Variants in ADH7 observed in about 807,000 individuals in gnomAD.
ADH7 encodes the protein all-trans-retinol dehydrogenase [NAD(+)] ADH7.
A neutral mutation model predicts 34.4 loss-of-function variants in ADH7; 41 were observed. The observed-to-expected ratio is 1.19, with a 90% CI of 0.93 to 1.55. ADH7 has a LOEUF of 1.55. ADH7 is among the 40% of genes most tolerant of loss of function. ADH7 has a pLI of 0.00. For missense variants in ADH7, 540 were observed against 461.2 expected, an observed-to-expected ratio of 1.17 and a Z score of -1.56; for synonymous variants, 180 against 160.9, an observed-to-expected ratio of 1.12 and a Z score of -0.90.
chr4:99,424,728 G>T (rs901191210), intron 5 of ADH7, among the ~76,000 whole-genome samples: 2 of 151,960 alleles, frequency 1.3e-5, no homozygotes, highest in Non-Finnish European at 1.5e-5. Flanking sequence ...TTGATTTTGT[G>T]TCCTGAGACT....
chr4:99,432,203 C>G (rs371682220), intron 1 of ADH7, among the ~76,000 whole-genome samples: 8 of 151,972 alleles, frequency 5.3e-5, no homozygotes, highest in South Asian at 4.2e-4. Context: ...CCTGAGCAAA[C>G]GAATGCAGAA....
chr4:99,415,324 T>A, intron 8 of ADH7, 154 bp downstream of exon 8: 1 of 793,348 alleles, frequency 1.3e-6, no homozygotes, highest in Non-Finnish European at 2.0e-6. Context: ...GAAAATACAC[T>A]AATGCAGTGG....
chr4:99,426,454 A>G (rs1369508180), intron 5 of ADH7, among the ~76,000 whole-genome samples: 1 of 152,224 alleles, frequency 6.6e-6, no homozygotes, highest in Non-Finnish European at 1.5e-5. Context: ...AAACTAGAAA[A>G]TCTAGAAGAA....
intron 6 of ADH7, among the ~76,000 whole-genome samples, chr4:99,419,930 G>A (rs752988642): frequency 1.6e-4 from 24 of 152,010 alleles, no homozygotes; most frequent in Non-Finnish European, 2.2e-4. Flanking sequence ...GTCTCTTTAC[G>A]CTATGCCAGG....
rs1036961167 is a variant in ADH7, at chr4:99,413,040, T to C, written c.*108A>G. The C allele has an allele frequency of 1.2e-5, 14 of 1,165,550 alleles. No individual in the cohort carries two copies. Among genetic ancestry groups the C allele is most frequent in the Non-Finnish European group, 2.5e-6 (2 of 792,964 alleles). The allele number at this position is 1,165,550 out of a possible 1,614,324, so 72.2% of individuals were successfully genotyped here. A position where few individuals can be genotyped will look rare whatever the true frequency, so the allele number is the denominator to read the frequency against. ...GGTTCTATGTCTTCAACAAATCTTC[T>C]ACTTATGCTTGTATTTGTGAGACAG... On this transcript the variant is annotated 3_prime_UTR_variant, in exon 9 of 9. Transcript: ENST00000437033.
chr4:99,428,769 T>A, intron 2 of ADH7, 139 bp from the exon 3 acceptor site: 1 of 1,117,890 alleles, frequency 8.9e-7, no homozygotes, highest in Non-Finnish European at 1.2e-6. Flanking sequence ...TCTTAGACTA[T>A]TCTGAGCCAA....
At chr4:99,425,194 A>G (rs1021892661) in intron 5 of ADH7, among the ~76,000 whole-genome samples, 2 of 152,134 alleles carry the variant, frequency 1.3e-5, no homozygotes, top group African/African-American at 4.8e-5. Context: ...GACAGGATCA[A>G]ATTCACACAT....
intron 1 of ADH7, among the ~76,000 whole-genome samples, chr4:99,434,779 T>C (rs910058400): frequency 1.3e-5 from 2 of 152,170 alleles, no homozygotes; most frequent in Admixed American, 1.3e-4. Context: ...AATTAGCATT[T>C]TCCATTCTTA....
intron 2 of ADH7, among the ~76,000 whole-genome samples, chr4:99,429,096 C>T (rs1721882463): frequency 6.6e-6 from 1 of 152,142 alleles, no homozygotes. Flanking sequence ...AACTGGTGTC[C>T]AAAGCCAAGG....
At chr4:99,422,983 T>C (rs2851031) in intron 5 of ADH7, among the ~76,000 whole-genome samples, 75,624 of 136,160 alleles carry the variant, frequency 0.56, 21,252 homozygotes, top group Middle Eastern at 0.62. Flanking sequence ...CCCATTAACT[T>C]GTCATTTAGC....
Position 99,420,799 on chromosome 4 carries a change from G to A in ADH7, c.565-6C>T, listed in dbSNP as rs1433056090. The A allele has an allele frequency of 6.2e-7, 1 of 1,613,372 alleles. No homozygotes were observed. The highest frequency in any genetic ancestry group is 8.5e-7 in the Non-Finnish European group (1 of 1,179,710). On this transcript the variant is annotated splice_region_variant and splice_polypyrimidine_tract_variant and intron_variant, in intron 5 of 8. Transcript: ENST00000437033. ...CAAGTGGAACCAGGTTTGACCTGTG[G>A]AGAGGAATGTTCTTGAACATGTTAG...
At chr4:99,425,061 A>C (rs192260263) in intron 5 of ADH7, among the ~76,000 whole-genome samples, 14 of 152,264 alleles carry the variant, frequency 9.2e-5, no homozygotes, top group African/African-American at 3.1e-4. Flanking sequence ...TGAAGGAAGA[A>C]CTAAACATAG....
intron 1 of ADH7, among the ~76,000 whole-genome samples, chr4:99,430,736 G>A (rs564531899): frequency 9.9e-5 from 15 of 152,266 alleles, no homozygotes; most frequent in African/African-American, 2.6e-4. Context: ...CAATGTTGAC[G>A]TTAGAAATCT....
rs962416969 is a variant in ADH7 at position 99,427,778 on chromosome 4, C to G, written c.559G>C (p.Gly187Arg). 1 of 1,529,716 alleles carries G rather than the reference C, an allele frequency of 6.5e-7. No individual in the cohort carries two copies. The highest frequency in any genetic ancestry group is 1.4e-5 in the African/African-American group (1 of 72,360). The allele number at this position is 1,529,716 out of a possible 1,614,324, so 94.8% of individuals were successfully genotyped here. ...STGYGAAVKT[G>R]KVKPGSTCVV... ...TAGCCTACCCTGTTTCTTACCTTGCCAGTTTTAACAGCAGCGCCATATCCA... is the reference window on the plus strand; with the variant it reads ...TAGCCTACCCTGTTTCTTACCTTGCGAGTTTTAACAGCAGCGCCATATCCA... Residue 187 changes from glycine (G) to arginine (R), a missense_variant, in exon 5 of 9, where the codon GGC (glycine) becomes CGC (arginine). Gly to Arg is a moderately radical substitution (Grantham distance 125). Coordinates refer to ENST00000437033, the MANE Select transcript of ADH7 (RefSeq NM_000673.7).
intron 5 of ADH7, among the ~76,000 whole-genome samples, chr4:99,421,855 C>T (rs1448694264): frequency 2.0e-5 from 3 of 152,148 alleles, no homozygotes; most frequent in African/African-American, 7.2e-5. Flanking sequence ...TATGAACAGA[C>T]ACTTCTCAAA....
At chr4:99,421,249 T>TG (rs1721655893) in intron 5 of ADH7, among the ~76,000 whole-genome samples, 1 of 152,120 alleles carries the variant, frequency 6.6e-6, no homozygotes, top group Non-Finnish European at 1.5e-5. Context: ...GCCTTCAAAC[T>TG]ATACTACAAG....
intron 5 of ADH7, among the ~76,000 whole-genome samples, chr4:99,422,295 C>A (rs190085387): frequency 1.3e-5 from 2 of 152,304 alleles, no homozygotes; most frequent in Non-Finnish European, 2.9e-5. Context: ...AAATGTAGTA[C>A]ATATACACCA....
chr4:99,423,217 T>C (rs1450286650), intron 5 of ADH7, among the ~76,000 whole-genome samples: 2 of 150,518 alleles, frequency 1.3e-5, no homozygotes, highest in Non-Finnish European at 3.0e-5. Flanking sequence ...TCATCATTTT[T>C]TATGGCTGCA....
intron 5 of ADH7, among the ~76,000 whole-genome samples, chr4:99,427,541 G>T (rs1703162423): frequency 6.6e-6 from 1 of 152,094 alleles, no homozygotes; most frequent in South Asian, 2.1e-4. Context: ...AAATGATGCA[G>T]TTTGCAAATA....
Sources: allele counts gnomAD v4.1 joint callset (sites outside exome capture counted in the v4.1 genomes callset), GRCh38; gene constraint gnomAD v4.1.1; transcripts MANE v1.5; gene names NCBI Gene and HGNC (gene_info 2026-07-23, HGNC 2026-07-21).